The following UFD1 variants were observed in gnomAD, a reference collection of about 807,000 sequenced individuals.
The protein encoded by UFD1 is ubiquitin recognition factor in ER associated degradation 1.
A neutral mutation model predicts 45.9 loss-of-function variants in UFD1; 13 were observed. The observed-to-expected ratio is 0.28, with a 90% CI of 0.18 to 0.45. UFD1 has a LOEUF of 0.45. UFD1 is among the 20% of genes least tolerant of loss of function. The pLI, the probability that UFD1 is intolerant of heterozygous loss-of-function variation, is 1.00. For synonymous variants in UFD1, 128 were observed against 139.2 expected (o/e 0.92, Z 0.56); for missense variants, 218 against 389.2 (o/e 0.56, Z 3.70).
Position 19,467,163 on chromosome 22 carries a change from TG to T in UFD1, c.422+709del, listed in dbSNP as rs59322859. 2.9e-3 allele frequency: 435 copies of T among 151,170 alleles called. 5 individuals are homozygous for T. The highest frequency in any genetic ancestry group is 9.9e-3 in the African/African-American group (409 of 41,190). 9.4% of individuals were successfully genotyped at this position (151,170 alleles called of 1,614,324 possible). ...TATCTGTCTGTGTTGTTTGACTGTTTGTTTTTTTTTTCAAGTATGCATTAAA... is the reference window on the plus strand; with the variant it reads ...TATCTGTCTGTGTTGTTTGACTGTTTTTTTTTTTTTCAAGTATGCATTAAA... On this transcript the variant is annotated intron_variant, in intron 5 of 11. Coordinates refer to ENST00000263202, the MANE Select transcript of UFD1 (RefSeq NM_005659.7).
chr22:19,459,984 G>A (rs577527598), intron 6 of UFD1, among the ~76,000 whole-genome samples: 6 of 151,754 alleles, frequency 4.0e-5, no homozygotes, highest in East Asian at 1.9e-4. Flanking sequence ...TGATCCACCC[G>A]CCTCAGCCTC....
intron 1 of UFD1, 150 bp downstream of exon 1, chr22:19,478,933 T>C: frequency 1.9e-6 from 2 of 1,078,996 alleles, no homozygotes; most frequent in Non-Finnish European, 2.6e-6. Context: ...GTCCTGCTTG[T>C]GCCCGGTGCG....
intron 6 of UFD1, 108 bp from the exon 7 acceptor site, chr22:19,458,247 A>G (rs1378217417): frequency 1.7e-6 from 2 of 1,175,750 alleles, no homozygotes; most frequent in African/African-American, 1.5e-5. Context: ...CACAGCATTC[A>G]TGCCCATGAC....
At chr22:19,475,400 C>T (rs2089874182) in intron 2 of UFD1, 70 bp downstream of exon 2, 3 of 1,587,290 alleles carry the variant, frequency 1.9e-6, no homozygotes, top group South Asian at 2.3e-5. Context: ...AAAGTAAGTA[C>T]TGTTGAAGGC....
intron 4 of UFD1, chr22:19,471,359 T>G: frequency 1.7e-6 from 1 of 592,424 alleles, no homozygotes. Flanking sequence ...ACACCCTACT[T>G]ACTAGACCAC....
chr22:19,471,874 T>TCCCATAGAAGGAGCCTC (rs2089848739), intron 3 of UFD1, 66 bp from the exon 4 acceptor site: 1 of 1,560,418 alleles, frequency 6.4e-7, no homozygotes, highest in Non-Finnish European at 8.7e-7. Flanking sequence ...GCCCACGCCT[T>TCCCATAGAAGGAGCCTC]CCCATAGAAG....
At chr22:19,471,601 A>G (rs1030811439) in intron 4 of UFD1, 86 bp downstream of exon 4, 2 of 1,548,272 alleles carry the variant, frequency 1.3e-6, no homozygotes, top group Non-Finnish European at 1.7e-6. Flanking sequence ...AGGCGGGGCC[A>G]CCTGCTCCAG....
At position 19,453,459 on chromosome 22, in the gene UFD1, CT is replaced by C. The variant is rs2089698594; in HGVS notation, c.849+1289del. ...AAACAGGCCTGCTGTGCCCACTGGC[CT>C]CCCCTGCCTTCTGTAAATTTGCAAC... On this transcript the variant is annotated intron_variant, in intron 11 of 11. Coordinates refer to ENST00000263202, the MANE Select transcript of UFD1 (RefSeq NM_005659.7). 3.0e-6 allele frequency: 3 copies of C among 985,354 alleles called. No individual in the cohort carries two copies. In the African/African-American group the frequency reaches 5.2e-5, roughly 17 times the overall value. 61.0% of individuals were successfully genotyped at this position (985,354 alleles called of 1,614,324 possible).
chr22:19,460,412 C>G (rs1050472732), intron 6 of UFD1, among the ~76,000 whole-genome samples: 10 of 152,188 alleles, frequency 6.6e-5, no homozygotes, highest in African/African-American at 2.4e-4. Flanking sequence ...AGTACTATTG[C>G]ATTTAGTAAG....
chr22:19,462,327 G>C (rs1050078474), intron 6 of UFD1, among the ~76,000 whole-genome samples: 1 of 151,906 alleles, frequency 6.6e-6, no homozygotes, highest in Non-Finnish European at 1.5e-5. Context: ...TAACTTTATT[G>C]AATTGTAAAC....
intron 5 of UFD1, chr22:19,465,833 T>C (rs2089797948): frequency 6.6e-6 from 1 of 152,368 alleles, no homozygotes; most frequent in African/African-American, 2.4e-5. Context: ...GATGCTTTCA[T>C]TTATACTTCT....
intron 11 of UFD1, 45 bp downstream of exon 11, chr22:19,454,704 A>T (rs777533484): frequency 6.2e-7 from 1 of 1,613,138 alleles, no homozygotes; most frequent in East Asian, 2.2e-5. Context: ...CTAGCAAATA[A>T]ATCTCCTCAT....
At chr22:19,478,935 C>A in intron 1 of UFD1, 148 bp downstream of exon 1, 3 of 1,100,036 alleles carry the variant, frequency 2.7e-6, no homozygotes, top group African/African-American at 1.7e-5. Flanking sequence ...CCTGCTTGTG[C>A]CCGGTGCGGC....
intron 6 of UFD1, 142 bp from the exon 7 acceptor site, chr22:19,458,281 C>A: frequency 1.2e-6 from 1 of 826,184 alleles, no homozygotes. Context: ...GCACTTCTTG[C>A]TGTGACAACA....
rs1319588931 is a variant in UFD1, at chr22:19,458,130, G to A, written c.505C>T (p.Leu169=). Residue 169 remains leucine, a synonymous_variant, in exon 7 of 12, where the codon CTG becomes TTG. Transcript: ENST00000263202. ...TCGGGTTTGGTCTCCATCACACGCA[G>A]TTCGTAGATCTGTGGGGCAAACACA... is the stretch of plus-strand genomic sequence containing the variant. The part of the protein sequence containing the change: ...AINYNEKIYE[L]RVMETKPDKA... 2 of 1,614,080 alleles carry A rather than the reference G, an allele frequency of 1.2e-6. No homozygotes were observed. The highest frequency in any genetic ancestry group is 4.5e-5 in the East Asian group (2 of 44,868).
intron 1 of UFD1, among the ~76,000 whole-genome samples, chr22:19,478,291 A>G (rs1281635328): frequency 3.3e-5 from 5 of 152,314 alleles, no homozygotes; most frequent in South Asian, 2.1e-4. Flanking sequence ...ACAGTGACAC[A>G]CTTGGGATAA....
chr22:19,454,655 G>A (rs756169385), intron 11 of UFD1, 94 bp downstream of exon 11: 1 of 1,594,904 alleles, frequency 6.3e-7, no homozygotes, highest in Non-Finnish European at 8.6e-7. Context: ...ACAGACTAAT[G>A]CACACCCCTA....
intron 2 of UFD1, 84 bp downstream of exon 2, chr22:19,475,386 A>G: frequency 2.6e-6 from 4 of 1,561,276 alleles, no homozygotes; most frequent in Non-Finnish European, 3.5e-6. Flanking sequence ...TGACTCCCAC[A>G]TGCAAAGTAA....
At chr22:19,462,481 C>T (rs895270132) in intron 6 of UFD1, among the ~76,000 whole-genome samples, 1 of 152,046 alleles carries the variant, frequency 6.6e-6, no homozygotes, top group Non-Finnish European at 1.5e-5. Context: ...GCCTGGCCAA[C>T]ATGGTGAAAC....
Sources: allele counts gnomAD v4.1 joint callset (sites outside exome capture counted in the v4.1 genomes callset), GRCh38; gene constraint gnomAD v4.1.1; transcripts MANE v1.5; gene names NCBI Gene and HGNC (gene_info 2026-07-23, HGNC 2026-07-21).